The following ACTR3C variants were observed in gnomAD, a reference collection of about 807,000 sequenced individuals.
The protein encoded by ACTR3C is actin-related protein 3C.
ACTR3C carries 18 observed loss-of-function variants against 26.3 expected under a neutral mutation model. That is an observed-to-expected ratio of 0.68 (90% CI 0.47 to 1.01). The LOEUF is 1.01. Ranked by LOEUF, ACTR3C falls within the 50% of genes least tolerant of loss-of-function variation. The probability of loss-of-function intolerance (pLI) is 0.00; values close to 1 mark genes in which losing one functional copy is unlikely to be tolerated. For missense variants in ACTR3C, 184 were observed against 250.7 expected, an observed-to-expected ratio of 0.73 and a Z score of 1.80; for synonymous variants, 55 against 94.5, an observed-to-expected ratio of 0.58 and a Z score of 2.42.
At chr7:150,173,008 C>T in the ACTR3C span, among the ~76,000 whole-genome samples, 1 of 149,350 alleles carries the variant, frequency 6.7e-6, no homozygotes, top group Non-Finnish European at 1.5e-5. Context: ...GCTGCTTTCA[C>T]AGGCTGGCAC....
At chr7:150,095,879 A>G in the ACTR3C span, among the ~76,000 whole-genome samples, 805 of 150,624 alleles carry the variant, frequency 5.3e-3, 65 homozygotes, top group African/African-American at 0.018. Flanking sequence ...AAGTTAAACA[A>G]AATTCTCCAT....
At chr7:150,014,135 T>C in the ACTR3C span, among the ~76,000 whole-genome samples, 51,213 of 151,690 alleles carry the variant, frequency 0.34, 9,338 homozygotes, top group Non-Finnish European at 0.41. Flanking sequence ...ACTAACCAAC[T>C]CCTCGCTAAT....
chr7:150,020,782 A>AT, the ACTR3C span, among the ~76,000 whole-genome samples: 1 of 151,734 alleles, frequency 6.6e-6, no homozygotes, highest in Non-Finnish European at 1.5e-5. Context: ...CTTTTCCTAT[A>AT]TTTTTTATAT....
the ACTR3C span, among the ~76,000 whole-genome samples, chr7:150,025,698 T>C: frequency 3.9e-5 from 6 of 152,114 alleles, no homozygotes; most frequent in Non-Finnish European, 7.3e-5. Flanking sequence ...GTGAAATGGA[T>C]GAAACGAGAT....
intron 1 of ACTR3C, among the ~76,000 whole-genome samples, chr7:150,319,601 G>A (rs890214971): frequency 2.6e-5 from 4 of 152,212 alleles, no homozygotes; most frequent in African/African-American, 9.7e-5. Flanking sequence ...AAATTCAGGT[G>A]CCTTTGACTT....
chr7:150,319,499 G>A (rs899991344), intron 1 of ACTR3C, among the ~76,000 whole-genome samples: 2 of 152,116 alleles, frequency 1.3e-5, no homozygotes, highest in African/African-American at 2.4e-5. Flanking sequence ...GAGCCACCTC[G>A]CCTGGCCCAG....
At chr7:150,211,366 C>G in the ACTR3C span, among the ~76,000 whole-genome samples, 1 of 151,076 alleles carries the variant, frequency 6.6e-6, no homozygotes, top group Admixed American at 6.5e-5. Context: ...ACTGCAACCT[C>G]TACCTCCTGG....
the ACTR3C span, among the ~76,000 whole-genome samples, chr7:150,038,646 G>T: frequency 3.4e-4 from 49 of 144,772 alleles, 13 homozygotes; most frequent in African/African-American, 1.3e-3. Context: ...CCGTCGGATC[G>T]TAAATCCCAC....
chr7:150,262,843 C>T (rs889082229), intron 6 of ACTR3C, among the ~76,000 whole-genome samples: 32 of 151,908 alleles, frequency 2.1e-4, no homozygotes, highest in African/African-American at 7.2e-4. Context: ...ATGGGTATTG[C>T]GAAATAAGAA....
chr7:150,128,931 TTGAGA>T, the ACTR3C span, among the ~76,000 whole-genome samples: 1 of 150,480 alleles, frequency 6.6e-6, no homozygotes, highest in South Asian at 2.1e-4. Context: ...AGAAAGGAGA[TTGAGA>T]TAAGACCTGG....
chr7:150,041,846 A>C, the ACTR3C span, among the ~76,000 whole-genome samples: 11 of 127,560 alleles, frequency 8.6e-5, no homozygotes, highest in South Asian at 2.7e-4. Context: ...GGAAGAGGGG[A>C]TAGCTCTCAG....
chr7:150,152,883 G>A, the ACTR3C span, among the ~76,000 whole-genome samples: 2 of 152,078 alleles, frequency 1.3e-5, no homozygotes, highest in Non-Finnish European at 2.9e-5. Flanking sequence ...TGTATGTGTC[G>A]AGGAATTTAT....
chr7:150,227,694 T>TTTG, the ACTR3C span, among the ~76,000 whole-genome samples: 2 of 140,140 alleles, frequency 1.4e-5, no homozygotes, highest in South Asian at 4.4e-4. Context: ...CTGGGTTTTT[T>TTTG]TTTTTTGTTT....
chr7:150,252,961 G>A (rs1388577352), intron 6 of ACTR3C, among the ~76,000 whole-genome samples: 2 of 151,194 alleles, frequency 1.3e-5, no homozygotes, highest in Non-Finnish European at 2.9e-5. Flanking sequence ...TGACAACTCT[G>A]CAGATTCTGC....
At chr7:150,215,853 C>G in the ACTR3C span, among the ~76,000 whole-genome samples, 9 of 151,996 alleles carry the variant, frequency 5.9e-5, no homozygotes. Flanking sequence ...TCCTAATTAT[C>G]AAATGGTGTA....
the ACTR3C span, among the ~76,000 whole-genome samples, chr7:150,142,466 A>G: frequency 3.9e-5 from 6 of 152,230 alleles, no homozygotes; most frequent in African/African-American, 1.4e-4. Flanking sequence ...CCTCTTACAC[A>G]GGAAAACAGA....
At chr7:150,304,887 G>A (rs1042286222) in intron 1 of ACTR3C, among the ~76,000 whole-genome samples, 8 of 151,694 alleles carry the variant, frequency 5.3e-5, no homozygotes, top group Non-Finnish European at 1.2e-4. Flanking sequence ...AAATATGAGA[G>A]CAGGCGAAAT....
the ACTR3C span, among the ~76,000 whole-genome samples, chr7:149,977,247 G>A: frequency 2.9e-4 from 44 of 152,306 alleles, no homozygotes; most frequent in East Asian, 1.7e-3. Flanking sequence ...CACCTGCAAA[G>A]TTCCAGAGAT....
At chr7:149,949,337 T>C in the ACTR3C span, among the ~76,000 whole-genome samples, 70,876 of 142,644 alleles carry the variant, frequency 0.5, 20,103 homozygotes, top group South Asian at 0.58. Context: ...GATTGCACCA[T>C]TGCACTCCAG....
Sources: gnomAD v4.1 joint callset for allele counts (sites outside exome capture counted in the v4.1 genomes callset) on GRCh38, gnomAD v4.1.1 for gene constraint, MANE v1.5 for transcripts, NCBI Gene and HGNC (gene_info 2026-07-23, HGNC 2026-07-21) for gene names.